The following AMBRA1 variants were observed in gnomAD, a reference collection of about 807,000 sequenced individuals.
AMBRA1 encodes activating molecule in BECN1-regulated autophagy protein 1.
AMBRA1 carries 47 observed loss-of-function variants against 125.4 expected under a neutral mutation model. That is an observed-to-expected ratio of 0.37 (90% CI 0.30 to 0.48). The LOEUF (loss-of-function observed/expected upper bound fraction) is 0.48, where lower values mean the gene tolerates loss of function less well. Ranked by LOEUF, AMBRA1 falls within the 20% of genes least tolerant of loss-of-function variation. The probability of loss-of-function intolerance (pLI) is 0.99; values close to 1 mark genes in which losing one functional copy is unlikely to be tolerated. For missense variants in AMBRA1, 1,331 were observed against 1,693.4 expected (o/e 0.79, Z 3.76); for synonymous variants, 626 against 655.5 (o/e 0.95, Z 0.69).
chr11:46,593,678 C>T, intron 1 of AMBRA1, 150 bp downstream of exon 1: 1 of 349,622 alleles, frequency 2.9e-6, no homozygotes, highest in East Asian at 4.2e-5. Context: ...GGCTGCCCCT[C>T]CGGCCGCGCC....
intron 14 of AMBRA1, among the ~76,000 whole-genome samples, chr11:46,423,920 C>T (rs1330303196): frequency 3.3e-5 from 5 of 151,958 alleles, no homozygotes; most frequent in Non-Finnish European, 7.4e-5. Flanking sequence ...TGGGCCACCA[C>T]GCCTGGTTAA....
At chr11:46,534,646 A>G (rs1347072374) in intron 7 of AMBRA1, among the ~76,000 whole-genome samples, 1 of 152,150 alleles carries the variant, frequency 6.6e-6, no homozygotes, top group Non-Finnish European at 1.5e-5. Context: ...TCATCCAGGA[A>G]GCAGTCCTTG....
chr11:46,504,172 A>G (rs2135019841), intron 9 of AMBRA1, among the ~76,000 whole-genome samples: 1 of 152,348 alleles, frequency 6.6e-6, no homozygotes, highest in East Asian at 1.9e-4. Context: ...AGAGGCAGGA[A>G]GGGCAGGAAT....
intron 1 of AMBRA1, among the ~76,000 whole-genome samples, chr11:46,573,296 T>C (rs1431230990): frequency 6.6e-6 from 1 of 150,848 alleles, no homozygotes; most frequent in East Asian, 2.0e-4. Context: ...TCCCAGCTAC[T>C]CAGGAGGCTG....
rs1449173174 is a variant in AMBRA1, at chr11:46,544,076, TAG to T, written c.552-37_552-36del. 1.9e-6 allele frequency: 3 copies of T among 1,545,238 alleles called. No individual in the cohort carries two copies. The Admixed American group carries it at 5.2e-5, about 27-fold the overall frequency. On this transcript the variant is annotated intron_variant, in intron 5 of 17. Coordinates refer to ENST00000683756, the MANE Select transcript of AMBRA1 (RefSeq NM_001387011.1). ...CAGAAGAAAGAGACAAAGACACACATAGAGAGATTATGTTAACTGAGAAGAGG... is the reference window on the plus strand; with the variant it reads ...CAGAAGAAAGAGACAAAGACACACATAGAGATTATGTTAACTGAGAAGAGG...
At chr11:46,425,599 T>C (rs1947087662) in intron 14 of AMBRA1, among the ~76,000 whole-genome samples, 1 of 151,864 alleles carries the variant, frequency 6.6e-6, no homozygotes. Flanking sequence ...CCCAGCACTT[T>C]GGGAGGCTGA....
intron 7 of AMBRA1, among the ~76,000 whole-genome samples, chr11:46,525,815 G>C (rs1467666578): frequency 6.6e-6 from 1 of 152,156 alleles, no homozygotes; most frequent in Admixed American, 6.6e-5. Flanking sequence ...GTGAGGCTGA[G>C]GCAGGAGAAC....
chr11:46,397,283 T>G lies in AMBRA1; in HGVS notation c.*167A>C. 1 of 950,240 alleles carries G rather than the reference T, an allele frequency of 1.1e-6. No homozygotes were observed. Among genetic ancestry groups the G allele is most frequent in the Non-Finnish European group, 1.4e-6 (1 of 711,410 alleles). The allele number at this position is 950,240 out of a possible 1,614,324, so 58.9% of individuals were successfully genotyped here. On this transcript the variant is annotated 3_prime_UTR_variant, in exon 18 of 18. Coordinates refer to ENST00000683756, the MANE Select transcript of AMBRA1 (RefSeq NM_001387011.1). Reference sequence around the variant, plus strand: ...TTCCCCGAGGCAGGCCTTGCCCATTTGACTGTCTTGTGCCCACTGACTGAT... The same window carrying G: ...TTCCCCGAGGCAGGCCTTGCCCATTGGACTGTCTTGTGCCCACTGACTGAT...
Position 46,494,105 on chromosome 11 carries a change from C to T in AMBRA1, c.2420+19G>A, listed in dbSNP as rs1052755163. On this transcript the variant is annotated intron_variant, in intron 10 of 17. Coordinates refer to ENST00000683756, the MANE Select transcript of AMBRA1 (RefSeq NM_001387011.1). ...GCTCTAACGAAGGCTCCCTCTGTTG[C>T]TAGCAACTCGGTTCTTACCTTGGGA... The T allele has an allele frequency of 4.4e-6, 7 of 1,593,916 alleles. No homozygotes were observed. The highest frequency in any genetic ancestry group is 5.1e-6 in the Non-Finnish European group (6 of 1,167,456).
intron 11 of AMBRA1, among the ~76,000 whole-genome samples, chr11:46,466,995 G>C (rs918836888): frequency 6.8e-6 from 1 of 147,914 alleles, no homozygotes; most frequent in Admixed American, 6.9e-5. Context: ...TTGGCTCACT[G>C]AAACCTTCAC....
At chr11:46,491,181 T>C (rs185104427) in intron 11 of AMBRA1, 1 of 152,276 alleles carries the variant, frequency 6.6e-6, no homozygotes, top group Admixed American at 6.5e-5. Context: ...ACACTGAAGT[T>C]CCCTGGGAGC....
chr11:46,428,566 C>G, intron 14 of AMBRA1: 1 of 1,195,132 alleles, frequency 8.4e-7, no homozygotes, highest in Non-Finnish European at 1.2e-6. Flanking sequence ...CAATGAGGAT[C>G]TTTTCCACTT....
chr11:46,485,519 G>A lies in AMBRA1; in HGVS notation c.2521+8089C>T, dbSNP rs549776804. Among the ~76,000 whole-genome samples the A allele has an allele frequency of 2.7e-4, 41 of 152,282 alleles. No individual in the cohort carries two copies. The South Asian group carries it at 5.4e-3, about 20-fold the overall frequency. ...GAATTAGTAAATTTTTAGTGGCAGG[G>A]CTAAAACAAAACATAGATATTGGGC... On this transcript the variant is annotated intron_variant, in intron 11 of 17. Transcript: ENST00000683756.
chr11:46,425,801 T>C lies in AMBRA1; in HGVS notation c.2976+7673A>G, dbSNP rs1250503312. Among the ~76,000 whole-genome samples, 3 of 150,270 alleles carry C rather than the reference T, an allele frequency of 2.0e-5. No individual in the cohort carries two copies. In the South Asian group the frequency reaches 6.3e-4, roughly 32 times the overall value. The stretch of plus-strand genomic sequence containing the variant: ...TTGCAGTGAGCCGAGATCGTGCCAC[T>C]GCACTCCAGCCTGTGCAACAAGAGC... On this transcript the variant is annotated intron_variant, in intron 14 of 17. Coordinates refer to ENST00000683756, the MANE Select transcript of AMBRA1 (RefSeq NM_001387011.1).
chr11:46,415,811 T>C (rs558265922), intron 15 of AMBRA1, among the ~76,000 whole-genome samples: 19 of 152,220 alleles, frequency 1.2e-4, no homozygotes, highest in Admixed American at 7.9e-4. Context: ...GGTAAGAGAG[T>C]TCCCCAGGCA....
chr11:46,483,889 C>T lies in AMBRA1; in HGVS notation c.2521+9719G>A, dbSNP rs568773444. On this transcript the variant is annotated intron_variant, in intron 11 of 17. Coordinates refer to ENST00000683756, the MANE Select transcript of AMBRA1 (RefSeq NM_001387011.1). ...TGGGCAACAAAGTGAGACTCTGTCTCGAAAAGAAAAAAAAAGGTAAAAAGA... is the reference window on the plus strand; with the variant it reads ...TGGGCAACAAAGTGAGACTCTGTCTTGAAAAGAAAAAAAAAGGTAAAAAGA... Among the ~76,000 whole-genome samples, 32 of 150,888 alleles carry T rather than the reference C, an allele frequency of 2.1e-4. No homozygotes were observed. In the South Asian group the frequency reaches 2.3e-3, roughly 11 times the overall value.
intron 11 of AMBRA1, among the ~76,000 whole-genome samples, chr11:46,485,698 G>A (rs1306139999): frequency 6.6e-6 from 1 of 152,180 alleles, no homozygotes; most frequent in African/African-American, 2.4e-5. Context: ...AGCATAAGTG[G>A]GGAAAGATCA....
chr11:46,434,160 C>T (rs920493322), intron 13 of AMBRA1, among the ~76,000 whole-genome samples: 5 of 148,188 alleles, frequency 3.4e-5, no homozygotes, highest in African/African-American at 1.2e-4. Flanking sequence ...TTAATAAATG[C>T]TAACCGTTGT....
At chr11:46,415,768 T>C (rs1946512807) in intron 15 of AMBRA1, among the ~76,000 whole-genome samples, 1 of 152,236 alleles carries the variant, frequency 6.6e-6, no homozygotes, top group Admixed American at 6.5e-5. Flanking sequence ...GCTAATGCCA[T>C]CTTACTCAGG....
Sources: allele counts gnomAD v4.1 joint callset (sites outside exome capture counted in the v4.1 genomes callset), GRCh38; gene constraint gnomAD v4.1.1; transcripts MANE v1.5; gene names NCBI Gene and HGNC (gene_info 2026-07-23, HGNC 2026-07-21).